Variants in LEF1 observed in about 807,000 individuals in gnomAD.
The protein encoded by LEF1 is lymphoid enhancer binding factor 1, also known as lymphoid enhancer-binding factor 1.
LEF1 carries 14 observed loss-of-function variants against 51.2 expected under a neutral mutation model. The ratio of observed to expected loss-of-function variants is 0.27; its 90% CI spans 0.18 to 0.43. The LOEUF (loss-of-function observed/expected upper bound fraction) is 0.43, where lower values mean the gene tolerates loss of function less well. Among genes scored for constraint, LEF1 ranks in the 20% least tolerant of loss-of-function variants. The pLI is 1.00. For synonymous variants in LEF1, 185 were observed against 183.2 expected (o/e 1.01, Z -0.08); for missense variants, 386 against 512.0 (o/e 0.75, Z 2.37).
At chr4:108,070,584 C>T (rs1261148598) in intron 9 of LEF1, 79 bp downstream of exon 9, 8 of 961,616 alleles carry the variant, frequency 8.3e-6, no homozygotes, top group African/African-American at 1.6e-5. Flanking sequence ...TTATATACAC[C>T]TAAAACACAT....
At chr4:108,108,370 C>T (rs1741305744) in intron 3 of LEF1, among the ~76,000 whole-genome samples, 1 of 152,148 alleles carries the variant, frequency 6.6e-6, no homozygotes, top group South Asian at 2.1e-4. Flanking sequence ...CTTTCAGCTT[C>T]TTCTAGATTT....
intron 8 of LEF1, among the ~76,000 whole-genome samples, chr4:108,078,012 G>A (rs1206189163): frequency 2.0e-5 from 3 of 151,734 alleles, no homozygotes; most frequent in Non-Finnish European, 4.4e-5. Context: ...CTGTACTCCA[G>A]TCCAGCTTGG....
chr4:108,079,430 C>T, intron 7 of LEF1, 62 bp downstream of exon 7: 2 of 1,581,172 alleles, frequency 1.3e-6, no homozygotes, highest in Non-Finnish European at 1.7e-6. Context: ...TGCAAAGGAG[C>T]AACAGTGTAG....
At chr4:108,134,503 C>A (rs1743124274) in intron 3 of LEF1, among the ~76,000 whole-genome samples, 1 of 152,226 alleles carries the variant, frequency 6.6e-6, no homozygotes. Flanking sequence ...CAGGCTACAG[C>A]ACTGGCACTC....
At chr4:108,135,707 A>G (rs1166743478) in intron 3 of LEF1, among the ~76,000 whole-genome samples, 1 of 152,146 alleles carries the variant, frequency 6.6e-6, no homozygotes, top group Non-Finnish European at 1.5e-5. Context: ...TGACACTTCA[A>G]TGGCCTGCCA....
intron 3 of LEF1, among the ~76,000 whole-genome samples, chr4:108,142,628 G>A (rs80302162): frequency 0.022 from 3,348 of 152,186 alleles, 46 homozygotes; most frequent in South Asian, 0.038. Context: ...CAAGCAGGGC[G>A]ACCATAAATC....
chr4:108,079,401 A>AGG, intron 7 of LEF1, 91 bp downstream of exon 7: 1 of 1,409,694 alleles, frequency 7.1e-7, no homozygotes, highest in East Asian at 2.3e-5. Flanking sequence ...AGCAACACAA[A>AGG]GGGGTGAAGG....
intron 3 of LEF1, among the ~76,000 whole-genome samples, chr4:108,163,179 A>G (rs1032486574): frequency 3.9e-5 from 6 of 152,244 alleles, no homozygotes; most frequent in African/African-American, 1.2e-4. Flanking sequence ...GAGCTAAAGT[A>G]GCTCTGATTC....
chr4:108,093,136 T>C (rs1740157896), intron 3 of LEF1, among the ~76,000 whole-genome samples: 1 of 151,972 alleles, frequency 6.6e-6, no homozygotes, highest in Non-Finnish European at 1.5e-5. Context: ...GAAACAGAGG[T>C]CACCAGGGAA....
At chr4:108,096,703 T>G (rs1719773258) in intron 3 of LEF1, among the ~76,000 whole-genome samples, 1 of 152,150 alleles carries the variant, frequency 6.6e-6, no homozygotes. Flanking sequence ...GACAAGGGAT[T>G]AATAACTAGA....
intron 9 of LEF1, among the ~76,000 whole-genome samples, chr4:108,068,856 C>T (rs1014606333): frequency 9.9e-5 from 15 of 152,176 alleles, no homozygotes; most frequent in African/African-American, 3.1e-4. Context: ...TATTAATTAA[C>T]GGCTTCACTC....
rs1467072274 is a variant in LEF1 at position 108,167,228 on chromosome 4, G to A, written c.213+327C>T. 6.6e-6 allele frequency among the ~76,000 whole-genome samples: 1 copy of A among 152,128 alleles called. No homozygotes were observed. The highest frequency in any genetic ancestry group is 2.1e-4 in the South Asian group (1 of 4,814). On this transcript the variant is annotated intron_variant, in intron 1 of 11. Coordinates refer to ENST00000265165, the MANE Select transcript of LEF1 (RefSeq NM_016269.5). The surrounding 1 kb of genome is among the most constrained non-coding windows in gnomAD (Gnocchi z 5.7). ...TCGCTTTAAAGCACGGCACCCCTCAGCCCAACAAAAAGACCGAAGGCGAAA... is the reference window on the plus strand; with the variant it reads ...TCGCTTTAAAGCACGGCACCCCTCAACCCAACAAAAAGACCGAAGGCGAAA...
At chr4:108,062,453 G>T (rs1737758709) in intron 11 of LEF1, among the ~76,000 whole-genome samples, 1 of 152,188 alleles carries the variant, frequency 6.6e-6, no homozygotes, top group Non-Finnish European at 1.5e-5. Context: ...CTGATCATAG[G>T]ACTCAGAAGG....
chr4:108,099,570 GTATA>G (rs551521155), intron 3 of LEF1, among the ~76,000 whole-genome samples: 2,215 of 69,552 alleles, frequency 0.032, 45 homozygotes, highest in East Asian at 0.045. Flanking sequence ...GTGTGTGTGT[GTATA>G]TATATATATA....
chr4:108,157,181 C>T (rs55705433), intron 3 of LEF1, among the ~76,000 whole-genome samples: 20,501 of 88,154 alleles, frequency 0.23, 1,540 homozygotes, highest in African/African-American at 0.32. Flanking sequence ...TATATATATA[C>T]ACACACACAC....
intron 3 of LEF1, among the ~76,000 whole-genome samples, chr4:108,103,001 A>G (rs1256306365): frequency 6.6e-6 from 1 of 152,216 alleles, no homozygotes; most frequent in Non-Finnish European, 1.5e-5. Flanking sequence ...AAAGTCCAAA[A>G]GCAGTAGAAC....
chr4:108,164,043 T>C (rs1745235951), intron 2 of LEF1, among the ~76,000 whole-genome samples: 1 of 152,160 alleles, frequency 6.6e-6, no homozygotes, highest in Non-Finnish European at 1.5e-5. Context: ...ACTTTAAAAA[T>C]GTAATATAAA....
chr4:108,073,720 C>CA (rs772183264), intron 8 of LEF1, among the ~76,000 whole-genome samples: 1 of 151,800 alleles, frequency 6.6e-6, no homozygotes. Context: ...AACAGGTTGA[C>CA]AAAAAGACCC....
intron 3 of LEF1, among the ~76,000 whole-genome samples, chr4:108,105,406 C>G (rs1191613264): frequency 1.3e-5 from 2 of 152,190 alleles, no homozygotes; most frequent in Admixed American, 6.5e-5. Flanking sequence ...GTCTCGAACT[C>G]CTGACAGCAG....
Sources: allele counts gnomAD v4.1 joint callset (sites outside exome capture counted in the v4.1 genomes callset), GRCh38; gene constraint gnomAD v4.1.1; non-coding constraint Gnocchi (gnomAD v3.1); transcripts MANE v1.5; gene names NCBI Gene and HGNC (gene_info 2026-07-23, HGNC 2026-07-21).